The following MKX variants were observed in gnomAD, a reference collection of about 807,000 sequenced individuals.
MKX encodes homeobox protein Mohawk.
MKX carries 13 observed loss-of-function variants against 36.0 expected under a neutral mutation model. That is an observed-to-expected ratio of 0.36 (90% CI 0.24 to 0.57). The LOEUF (loss-of-function observed/expected upper bound fraction) is 0.57, where lower values mean the gene tolerates loss of function less well. Ranked by LOEUF, MKX falls within the 20% of genes least tolerant of loss-of-function variation. MKX has a pLI of 0.79. For missense variants in MKX, 458 were observed against 456.4 expected (o/e 1.00, Z -0.03); for synonymous variants, 176 against 178.3 (o/e 0.99, Z 0.10).
chr10:27,717,745 C>T (rs536165879), intron 5 of MKX, among the ~76,000 whole-genome samples: 7 of 152,304 alleles, frequency 4.6e-5, no homozygotes, highest in South Asian at 2.1e-4. Flanking sequence ...TGCCCAGTGG[C>T]GAGATCAACT....
chr10:27,698,657 T>G (rs1836598576), intron 5 of MKX, among the ~76,000 whole-genome samples: 2 of 152,194 alleles, frequency 1.3e-5, no homozygotes, highest in East Asian at 3.9e-4. Context: ...TTGATTTGGA[T>G]GTGTTGAGAG....
At chr10:27,703,950 C>A (rs1276872212) in intron 5 of MKX, among the ~76,000 whole-genome samples, 1 of 151,938 alleles carries the variant, frequency 6.6e-6, no homozygotes, top group South Asian at 2.1e-4. Context: ...TAGCAAAATA[C>A]AAGAAAACAC....
intron 5 of MKX, among the ~76,000 whole-genome samples, chr10:27,723,206 A>T (rs1180043990): frequency 6.6e-6 from 1 of 152,192 alleles, no homozygotes; most frequent in Non-Finnish European, 1.5e-5. Flanking sequence ...AGTTGAAAGA[A>T]AAAAAGTGCA....
chr10:27,683,093 C>T (rs185247844), intron 5 of MKX, among the ~76,000 whole-genome samples: 8 of 152,268 alleles, frequency 5.3e-5, no homozygotes, highest in African/African-American at 1.9e-4. Context: ...GCTGATCTGA[C>T]AGGAGGTGGA....
At chr10:27,740,804 G>A (rs1270301414) in intron 3 of MKX, among the ~76,000 whole-genome samples, 1 of 152,160 alleles carries the variant, frequency 6.6e-6, no homozygotes, top group Admixed American at 6.5e-5. Flanking sequence ...GGGGGTTGTT[G>A]ATCCAAACAT....
rs368993340 is a variant in MKX at position 27,740,316 on chromosome 10, G to A, written c.348+1029C>T. Among the ~76,000 whole-genome samples the A allele has an allele frequency of 3.3e-5, 5 of 152,076 alleles. 1 individual carries two copies. Among genetic ancestry groups the A allele is most frequent in the Non-Finnish European group, 7.4e-5 (5 of 68,020 alleles). Reference sequence around the variant, plus strand: ...ATTTTCACAATCAGGTAATGCTACCGCAATGTGCAAAACTTTTCACCTGAT... The same window carrying A: ...ATTTTCACAATCAGGTAATGCTACCACAATGTGCAAAACTTTTCACCTGAT... On this transcript the variant is annotated intron_variant, in intron 3 of 6. Transcript: ENST00000419761.
In MKX at chr10:27,673,640, A is replaced by AT. The variant is rs1836088814; in HGVS notation, c.*1588_*1589insA. 1 of 152,032 alleles carries AT rather than the reference A, an allele frequency of 6.6e-6. No homozygotes were observed. Among genetic ancestry groups the AT allele is most frequent in the African/African-American group, 2.4e-5 (1 of 41,336 alleles). 9.4% of individuals were successfully genotyped at this position (152,032 alleles called of 1,614,324 possible). ...ACAGCAATTTAGAAAACAAAGTAAA[A>AT]ATATATATATATACACAAAATATTT... On this transcript the variant is annotated 3_prime_UTR_variant, in exon 7 of 7. Transcript: ENST00000419761.
chr10:27,686,369 AAAGAAAGGG>A (rs1007216563), intron 5 of MKX, among the ~76,000 whole-genome samples: 3 of 136,502 alleles, frequency 2.2e-5, no homozygotes, highest in African/African-American at 9.4e-5. Context: ...GGAAAGAAAG[AAAGAAAGGG>A]AAGGGAAGGG....
At chr10:27,711,477 T>TCTC (rs1836860107) in intron 5 of MKX, among the ~76,000 whole-genome samples, 2 of 10,048 alleles carry the variant, frequency 2.0e-4, no homozygotes, top group African/African-American at 6.2e-4. Flanking sequence ...CTTTCTTTCT[T>TCTC]TCTTTCTCTC....
intron 5 of MKX, among the ~76,000 whole-genome samples, chr10:27,709,995 T>C (rs751155390): frequency 6.6e-6 from 1 of 152,228 alleles, no homozygotes; most frequent in Non-Finnish European, 1.5e-5. Context: ...CAATGAGATA[T>C]TTTCCATGCT....
At chr10:27,709,721 C>T (rs887858756) in intron 5 of MKX, among the ~76,000 whole-genome samples, 2 of 152,240 alleles carry the variant, frequency 1.3e-5, no homozygotes, top group East Asian at 3.9e-4. Flanking sequence ...GATGCCTCTT[C>T]TTTAATATGA....
chr10:27,732,577 C>A (rs1834656018), intron 5 of MKX, among the ~76,000 whole-genome samples: 1 of 151,926 alleles, frequency 6.6e-6, no homozygotes, highest in Admixed American at 6.6e-5. Context: ...AAAGAGTCAA[C>A]TCTTATTTAT....
At chr10:27,731,447 T>C (rs1174732415) in intron 5 of MKX, among the ~76,000 whole-genome samples, 2 of 152,172 alleles carry the variant, frequency 1.3e-5, no homozygotes, top group Non-Finnish European at 2.9e-5. Flanking sequence ...CCAGCTACGA[T>C]TGCAGCAACA....
At chr10:27,722,694 C>T (rs1436540718) in intron 5 of MKX, among the ~76,000 whole-genome samples, 1 of 152,018 alleles carries the variant, frequency 6.6e-6, no homozygotes, top group Non-Finnish European at 1.5e-5. Flanking sequence ...AAACTGGGGC[C>T]CTACAAAGTC....
rs1391922537 is a variant in MKX, at chr10:27,711,483, C to CTTTCTT, written c.838+22972_838+22973insAAGAAA. Among the ~76,000 whole-genome samples, 111 of 63,262 alleles carry CTTTCTT rather than the reference C, an allele frequency of 1.8e-3. 1 individual carries two copies. The highest frequency in any genetic ancestry group is 4.3e-3 in the African/African-American group (74 of 17,330). 41.5% of individuals were successfully genotyped at this position (63,262 alleles called of 152,430 possible). The stretch of plus-strand genomic sequence containing the variant: ...TCTTTCTTTCTTTCTTTCTTTCTTT[C>CTTTCTT]TCTCTCTCTCTCTTCTTTCCTTCCT... On this transcript the variant is annotated intron_variant, in intron 5 of 6. Transcript: ENST00000419761.
intron 3 of MKX, among the ~76,000 whole-genome samples, chr10:27,739,052 T>A (rs544731132): frequency 6.6e-6 from 1 of 152,182 alleles, no homozygotes. Flanking sequence ...TTTTAACAAA[T>A]CGTATGTGGA....
chr10:27,737,850 G>A (rs1331884638), intron 3 of MKX, among the ~76,000 whole-genome samples: 1 of 152,014 alleles, frequency 6.6e-6, no homozygotes, highest in Non-Finnish European at 1.5e-5. Context: ...ACCACACATA[G>A]TACAGTGTAA....
chr10:27,677,143 C>T (rs79025254), intron 5 of MKX, among the ~76,000 whole-genome samples: 6,629 of 152,192 alleles, frequency 0.044, 199 homozygotes, highest in Middle Eastern at 0.1. Flanking sequence ...TCATCATCAT[C>T]GTCATCATCA....
At chr10:27,738,573 G>A (rs1834827316) in intron 3 of MKX, among the ~76,000 whole-genome samples, 5 of 151,772 alleles carry the variant, frequency 3.3e-5, no homozygotes, top group Admixed American at 2.0e-4. Flanking sequence ...TATAAAATAT[G>A]GGAGATAGTT....
Sources: allele counts gnomAD v4.1 joint callset (sites outside exome capture counted in the v4.1 genomes callset), GRCh38; gene constraint gnomAD v4.1.1; transcripts MANE v1.5; gene names NCBI Gene and HGNC (gene_info 2026-07-23, HGNC 2026-07-21).